Variants in FRMPD3 observed in about 807,000 individuals in gnomAD.
The protein encoded by FRMPD3 is FERM and PDZ domain-containing protein 3.
FRMPD3 carries 42 observed loss-of-function variants against 97.9 expected under a neutral mutation model. The observed-to-expected ratio is 0.43, with a 90% CI of 0.34 to 0.55. The LOEUF (loss-of-function observed/expected upper bound fraction) is 0.55, where lower values mean the gene tolerates loss of function less well. Ranked by LOEUF, FRMPD3 falls within the 20% of genes least tolerant of loss-of-function variation. The pLI is 0.03. For synonymous variants in FRMPD3, 577 were observed against 581.1 expected (o/e 0.99, Z 0.10); for missense variants, 1,303 against 1,457.7 (o/e 0.89, Z 1.73).
chrX:107,554,140 G>A (rs1000633409), intron 7 of FRMPD3, among the ~76,000 whole-genome samples: 2 of 111,267 alleles, frequency 1.8e-5, no homozygotes, highest in African/African-American at 6.5e-5. Flanking sequence ...GGTTGATAAA[G>A]GTCATGTCCT....
rs1238899203 is a variant in FRMPD3, at chrX:107,516,764, T to G, written c.-7-9818T>G. ...TAAATTTGTTTGAGTTCTTTGTAGA[T>G]TCTGGATATTAGCCCTTTGTCAGAT... On this transcript the variant is annotated intron_variant, in intron 1 of 14. Coordinates refer to ENST00000683843, the MANE Select transcript of FRMPD3 (RefSeq NM_001388459.1). Among the ~76,000 whole-genome samples, 6 of 110,630 alleles carry G rather than the reference T, an allele frequency of 5.4e-5. No homozygotes were observed. In the South Asian group the frequency reaches 1.9e-3, roughly 36 times the overall value.
chrX:107,595,233 C>T (rs934629667), intron 13 of FRMPD3, among the ~76,000 whole-genome samples: 1 of 109,978 alleles, frequency 9.1e-6, no homozygotes, highest in Non-Finnish European at 1.9e-5. Context: ...GGGAGGATCA[C>T]TTCAGCCCAG....
intron 1 of FRMPD3, among the ~76,000 whole-genome samples, chrX:107,459,835 A>G (rs1231459858): frequency 9.0e-6 from 1 of 110,906 alleles, no homozygotes; most frequent in Non-Finnish European, 1.9e-5. Flanking sequence ...AGATGGCTAG[A>G]TTGGTGGATG....
chrX:107,489,896 A>T (rs769881726), intron 1 of FRMPD3, among the ~76,000 whole-genome samples: 1 of 111,587 alleles, frequency 9.0e-6, no homozygotes, highest in Non-Finnish European at 1.9e-5. Flanking sequence ...GGTGTTTTAG[A>T]CATGAAGTCC....
intron 1 of FRMPD3, among the ~76,000 whole-genome samples, chrX:107,522,998 C>A (rs1922564907): frequency 9.0e-6 from 1 of 111,453 alleles, no homozygotes; most frequent in African/African-American, 3.3e-5. Context: ...GGACCAGAAG[C>A]CAAACATCTT....
At chrX:107,583,098 C>CT (rs1269296176) in intron 13 of FRMPD3, among the ~76,000 whole-genome samples, 1 of 109,766 alleles carries the variant, frequency 9.1e-6, no homozygotes, top group East Asian at 2.8e-4. Context: ...TTCTTTTTCT[C>CT]TTTTTTTCTT....
chrX:107,487,468 C>G (rs1368031570), intron 1 of FRMPD3, among the ~76,000 whole-genome samples: 1 of 110,916 alleles, frequency 9.0e-6, no homozygotes, highest in Non-Finnish European at 1.9e-5. Flanking sequence ...TGCCTGTAGT[C>G]TGGATATTCT....
chrX:107,594,948 G>T (rs1924098484), intron 13 of FRMPD3, among the ~76,000 whole-genome samples: 1 of 112,085 alleles, frequency 8.9e-6, no homozygotes, highest in African/African-American at 3.2e-5. Context: ...TTGGTATGTG[G>T]TATTTTCATT....
chrX:107,494,376 A>C (rs1483613936), intron 1 of FRMPD3, among the ~76,000 whole-genome samples: 1 of 111,854 alleles, frequency 8.9e-6, no homozygotes, highest in Non-Finnish European at 1.9e-5. Flanking sequence ...TAGAAAAGGC[A>C]ACCATTGATG....
intron 13 of FRMPD3, among the ~76,000 whole-genome samples, chrX:107,593,892 T>C (rs1924032575): frequency 8.9e-6 from 1 of 111,950 alleles, no homozygotes. Flanking sequence ...TTTTAGGATT[T>C]TTTTTTCTAG....
chrX:107,602,659 G>A lies in FRMPD3; in HGVS notation c.4620G>A (p.Arg1540=). ...AGCAGGTGGTGCCTGTGGTGAGCAG[G>A]ACCCTGCAGGTGCTGGATGCTGCTA... ...LDEQVVPVVS[R]TLQVLDAATC... Residue 1540 remains arginine (R), a synonymous_variant, in exon 15 of 15, where the codon AGG becomes AGA. Coordinates refer to ENST00000683843, the MANE Select transcript of FRMPD3 (RefSeq NM_001388459.1). The A allele has an allele frequency of 8.3e-7, 1 of 1,210,251 alleles. No homozygotes were observed. Among genetic ancestry groups the A allele is most frequent in the East Asian group, 3.0e-5 (1 of 33,851 alleles).
intron 1 of FRMPD3, among the ~76,000 whole-genome samples, chrX:107,491,071 G>A (rs1366012708): frequency 9.0e-6 from 1 of 111,657 alleles, no homozygotes; most frequent in Non-Finnish European, 1.9e-5. Context: ...GGGTAGTAGA[G>A]TCAGGATTGA....
intron 1 of FRMPD3, among the ~76,000 whole-genome samples, chrX:107,463,534 T>G (rs1018125091): frequency 1.8e-5 from 2 of 112,555 alleles, no homozygotes; most frequent in Non-Finnish European, 3.7e-5. Flanking sequence ...AGTGCTATAC[T>G]TCCCACTTTG....
intron 1 of FRMPD3, among the ~76,000 whole-genome samples, chrX:107,496,337 C>T (rs1287478767): frequency 9.0e-6 from 1 of 110,858 alleles, no homozygotes; most frequent in Non-Finnish European, 1.9e-5. Context: ...TGGGTTGGAG[C>T]CTGGGTACAT....
At chrX:107,534,721 TAC>T (rs1192839812) in intron 4 of FRMPD3, among the ~76,000 whole-genome samples, 1 of 110,742 alleles carries the variant, frequency 9.0e-6, no homozygotes, top group Non-Finnish European at 1.9e-5. Flanking sequence ...ACACACACAA[TAC>T]ACTCACACAT....
At chrX:107,540,817 C>T (rs948199270) in intron 4 of FRMPD3, among the ~76,000 whole-genome samples, 1 of 112,320 alleles carries the variant, frequency 8.9e-6, no homozygotes, top group Non-Finnish European at 1.9e-5. Context: ...CCCCACTCTT[C>T]CAGAGATTCT....
At chrX:107,555,511 A>G (rs773186024) in intron 8 of FRMPD3, among the ~76,000 whole-genome samples, 31 of 112,170 alleles carry the variant, frequency 2.8e-4, no homozygotes, top group Non-Finnish European at 5.4e-4. Context: ...GGCAGAATTC[A>G]GTACTCTGTG....
chrX:107,562,099 C>A (rs1222436143), intron 10 of FRMPD3, among the ~76,000 whole-genome samples: 2 of 112,420 alleles, frequency 1.8e-5, no homozygotes, highest in Admixed American at 1.9e-4. Context: ...TAGATTAATC[C>A]GTGGGCATGG....
intron 8 of FRMPD3, among the ~76,000 whole-genome samples, chrX:107,556,545 C>A (rs1333586313): frequency 9.0e-6 from 1 of 111,297 alleles, no homozygotes; most frequent in Admixed American, 9.6e-5. Flanking sequence ...ATGTTTATGC[C>A]CATGAAACCA....
Sources: allele counts gnomAD v4.1 joint callset (sites outside exome capture counted in the v4.1 genomes callset), GRCh38; gene constraint gnomAD v4.1.1; transcripts MANE v1.5; gene names NCBI Gene and HGNC (gene_info 2026-07-23, HGNC 2026-07-21).